Variants in COP1 observed in about 807,000 individuals in gnomAD.
The protein encoded by COP1 is E3 ubiquitin-protein ligase COP1.
A neutral mutation model predicts 101.3 loss-of-function variants in COP1; 24 were observed. The ratio of observed to expected loss-of-function variants is 0.24; its 90% confidence interval spans 0.17 to 0.33. The LOEUF is 0.33. Among genes scored for constraint, COP1 ranks in the 10% least tolerant of loss-of-function variants. The pLI is 1.00. For missense variants in COP1, 663 were observed against 906.2 expected (o/e 0.73, Z 3.45); for synonymous variants, 347 against 341.9 (o/e 1.01, Z -0.17).
chr1:176,051,397 C>T (rs1672531061), intron 11 of COP1, among the ~76,000 whole-genome samples: 1 of 152,150 alleles, frequency 6.6e-6, no homozygotes, highest in African/African-American at 2.4e-5. Flanking sequence ...AGTGCAACAA[C>T]ACGATTCTCA....
At chr1:176,059,980 CTG>C (rs1674555230) in intron 11 of COP1, among the ~76,000 whole-genome samples, 1 of 152,088 alleles carries the variant, frequency 6.6e-6, no homozygotes, top group Non-Finnish European at 1.5e-5. Flanking sequence ...TGACCTTAAA[CTG>C]TTTTTTTAAT....
At chr1:176,138,966 C>T (rs1690217436) in intron 6 of COP1, among the ~76,000 whole-genome samples, 1 of 151,964 alleles carries the variant, frequency 6.6e-6, no homozygotes. Context: ...AAATGCTTTA[C>T]TATATATAAG....
intron 8 of COP1, among the ~76,000 whole-genome samples, chr1:176,133,450 C>A (rs1352934329): frequency 6.6e-6 from 1 of 151,844 alleles, no homozygotes; most frequent in South Asian, 2.1e-4. Context: ...CCATCACTGA[C>A]TGAAACGTCA....
In COP1 at chr1:176,136,482, C is replaced by G. The variant is rs1193409456; in HGVS notation, c.891+6G>C. 1 of 1,580,086 alleles carries G rather than the reference C, an allele frequency of 6.3e-7. No homozygotes were observed. Among genetic ancestry groups the G allele is most frequent in the East Asian group, 2.3e-5 (1 of 44,162 alleles). On this transcript the variant is annotated splice_donor_region_variant and intron_variant, in intron 7 of 19. Transcript: ENST00000367669. ...CTAAGGATGTGAGAAATTCTTGATT[C>G]CTTACTTCCACTCTCTTAATATCCT...
chr1:176,002,298 A>G (rs1486133232), intron 15 of COP1, among the ~76,000 whole-genome samples: 1 of 151,996 alleles, frequency 6.6e-6, no homozygotes, highest in African/African-American at 2.4e-5. Flanking sequence ...TACAATGGAT[A>G]ATCACAACTG....
rs563690557 is a variant in COP1, at chr1:176,120,058, A to C, written c.969-3377T>G. Among the ~76,000 whole-genome samples the C allele has an allele frequency of 5.3e-5, 8 of 152,362 alleles. No homozygotes were observed. In the East Asian group the frequency reaches 1.5e-3, roughly 29 times the overall value. On this transcript the variant is annotated intron_variant, in intron 8 of 19. Coordinates refer to ENST00000367669, the MANE Select transcript of COP1 (RefSeq NM_022457.7). ...CTTAAGAACTGGAAAATCCTGGATT[A>C]GCCTCCACTTTGTAGACATATTTTA...
At chr1:176,098,311 C>T (rs1260759455) in intron 9 of COP1, among the ~76,000 whole-genome samples, 1 of 152,102 alleles carries the variant, frequency 6.6e-6, no homozygotes, top group African/African-American at 2.4e-5. Context: ...GTAATTGAAA[C>T]TATTGGAAAT....
intron 3 of COP1, among the ~76,000 whole-genome samples, chr1:176,174,770 T>C (rs1433782278): frequency 3.3e-5 from 5 of 152,180 alleles, no homozygotes; most frequent in African/African-American, 1.2e-4. Context: ...ACTCTGAGCA[T>C]ATTAGTCTTT....
chr1:176,171,449 T>C (rs1218178226), intron 3 of COP1, among the ~76,000 whole-genome samples: 1 of 152,198 alleles, frequency 6.6e-6, no homozygotes, highest in Non-Finnish European at 1.5e-5. Context: ...CTGGTATATA[T>C]CCAGACTACT....
chr1:176,134,701 T>C (rs1284613191), intron 8 of COP1, among the ~76,000 whole-genome samples: 2 of 152,034 alleles, frequency 1.3e-5, no homozygotes, highest in African/African-American at 4.8e-5. Flanking sequence ...TTCTCAAATT[T>C]AGATTTTTGA....
chr1:176,151,242 A>G (rs1454586027), intron 5 of COP1, among the ~76,000 whole-genome samples: 2 of 151,270 alleles, frequency 1.3e-5, no homozygotes, highest in Admixed American at 6.6e-5. Flanking sequence ...AAATGTATTT[A>G]GAAAGAAAGA....
chr1:176,126,422 T>C (rs1271009879), intron 8 of COP1, among the ~76,000 whole-genome samples: 1 of 152,212 alleles, frequency 6.6e-6, no homozygotes, highest in East Asian at 1.9e-4. Context: ...GTTTTTATCA[T>C]GAAGGAACAT....
chr1:175,986,241 G>A (rs897760879), intron 18 of COP1, among the ~76,000 whole-genome samples: 3 of 152,176 alleles, frequency 2.0e-5, no homozygotes, highest in Middle Eastern at 6.8e-3. Flanking sequence ...GGATGGTCTT[G>A]ATCTCCTGAC....
intron 1 of COP1, among the ~76,000 whole-genome samples, chr1:176,186,868 T>A (rs541120279): frequency 6.6e-6 from 1 of 152,254 alleles, no homozygotes; most frequent in East Asian, 1.9e-4. Context: ...TGATAGATGT[T>A]GGGTATGAGA....
At chr1:176,088,917 C>A (rs1247067777) in intron 9 of COP1, among the ~76,000 whole-genome samples, 1 of 151,598 alleles carries the variant, frequency 6.6e-6, no homozygotes, top group Non-Finnish European at 1.5e-5. Context: ...ATCACTTGAA[C>A]CCAGGAGGCA....
At chr1:175,963,171 T>TA (rs1651588335) in intron 18 of COP1, among the ~76,000 whole-genome samples, 1 of 152,178 alleles carries the variant, frequency 6.6e-6, no homozygotes, top group Non-Finnish European at 1.5e-5. Context: ...TACCCACTGC[T>TA]ATGATAATAC....
intron 1 of COP1, among the ~76,000 whole-genome samples, chr1:176,193,357 T>C (rs1699317371): frequency 6.6e-6 from 1 of 152,160 alleles, no homozygotes; most frequent in African/African-American, 2.4e-5. Flanking sequence ...GGAAAACTGT[T>C]TGGCAGTTAC....
intron 9 of COP1, among the ~76,000 whole-genome samples, chr1:176,111,161 AAAT>A (rs893170301): frequency 2.0e-5 from 3 of 152,092 alleles, no homozygotes; most frequent in Non-Finnish European, 4.4e-5. Flanking sequence ...CAAAAAATAA[AAAT>A]AATAATAATA....
chr1:175,994,634 A>G (rs994434588), intron 15 of COP1, among the ~76,000 whole-genome samples: 5 of 151,736 alleles, frequency 3.3e-5, no homozygotes, highest in African/African-American at 1.2e-4. Flanking sequence ...AACAAAGATC[A>G]AAACAGACAA....
Sources: allele counts gnomAD v4.1 joint callset (sites outside exome capture counted in the v4.1 genomes callset), GRCh38; gene constraint gnomAD v4.1.1; transcripts MANE v1.5; gene names NCBI Gene and HGNC (gene_info 2026-07-23, HGNC 2026-07-21).